Variants in FHOD3 observed in about 807,000 individuals in gnomAD.
The protein encoded by FHOD3 is FH1/FH2 domain-containing protein 3.
Under a neutral mutation model 173.0 loss-of-function variants are expected in FHOD3, and 90 were observed. That is an observed-to-expected ratio of 0.52 (90% CI 0.44 to 0.62). The LOEUF (loss-of-function observed/expected upper bound fraction) is 0.62, where lower values mean the gene tolerates loss of function less well. FHOD3 is among the 20% of genes least tolerant of loss of function. The pLI, the probability that FHOD3 is intolerant of heterozygous loss-of-function variation, is 0.00. For missense variants in FHOD3, 1,945 were observed against 2,034.7 expected (o/e 0.96, Z 0.85); for synonymous variants, 828 against 823.0 (o/e 1.01, Z -0.10).
At chr18:36,472,615 T>C (rs1396822167) in intron 3 of FHOD3, among the ~76,000 whole-genome samples, 1 of 152,222 alleles carries the variant, frequency 6.6e-6, no homozygotes, top group Non-Finnish European at 1.5e-5. Flanking sequence ...TACTTCTGTC[T>C]CTGTGCTTTT....
intron 3 of FHOD3, among the ~76,000 whole-genome samples, chr18:36,459,224 A>G (rs144977716): frequency 2.4e-4 from 36 of 152,344 alleles, no homozygotes; most frequent in Non-Finnish European, 4.9e-4. Flanking sequence ...TGATTGAGAA[A>G]GAGGAGCTTG....
At chr18:36,355,283 A>T (rs1366460563) in intron 1 of FHOD3, among the ~76,000 whole-genome samples, 1 of 152,164 alleles carries the variant, frequency 6.6e-6, no homozygotes, top group Non-Finnish European at 1.5e-5. Flanking sequence ...CCCAGTGCCC[A>T]AAGGGCTCCT....
chr18:36,602,128 C>A lies in FHOD3; in HGVS notation c.719-546C>A, dbSNP rs552203696. On this transcript the variant is annotated intron_variant, in intron 7 of 28. Transcript: ENST00000590592. ...CATTAGATTATAAACCTATTGAGGG[C>A]AGCTGCCCAGTAGACCTTGTACCTA... 3.3e-5 allele frequency among the ~76,000 whole-genome samples: 5 copies of A among 152,332 alleles called. No homozygotes were observed. The South Asian group carries it at 1.0e-3, about 32-fold the overall frequency.
intron 5 of FHOD3, among the ~76,000 whole-genome samples, chr18:36,544,060 G>A (rs188616693): frequency 7.9e-4 from 121 of 152,318 alleles, no homozygotes; most frequent in African/African-American, 2.8e-3. Flanking sequence ...GTATGTGTTC[G>A]TTAAATATGT....
At chr18:36,408,100 CTG>C (rs2049159406) in intron 3 of FHOD3, among the ~76,000 whole-genome samples, 1 of 152,206 alleles carries the variant, frequency 6.6e-6, no homozygotes, top group Non-Finnish European at 1.5e-5. Flanking sequence ...TGGGGCTACA[CTG>C]GATGACAGCT....
intron 5 of FHOD3, among the ~76,000 whole-genome samples, chr18:36,554,863 G>A (rs2057809627): frequency 6.6e-6 from 1 of 152,082 alleles, no homozygotes; most frequent in African/African-American, 2.4e-5. Context: ...CAAATATTTT[G>A]TGTAAAGTTC....
intron 2 of FHOD3, among the ~76,000 whole-genome samples, chr18:36,358,001 AC>A (rs1242173616): frequency 1.3e-5 from 2 of 152,222 alleles, no homozygotes; most frequent in Non-Finnish European, 2.9e-5. Flanking sequence ...TGTGCCAGGT[AC>A]TATATTAGGC....
At chr18:36,653,078 T>G (rs1380100050) in intron 12 of FHOD3, 149 bp downstream of exon 12, 2 of 1,058,748 alleles carry the variant, frequency 1.9e-6, no homozygotes, top group African/African-American at 3.2e-5. Flanking sequence ...CTTAAGTTGC[T>G]GACCCCTGAC....
intron 1 of FHOD3, among the ~76,000 whole-genome samples, chr18:36,298,461 C>T (rs1685050879): frequency 6.6e-6 from 1 of 152,202 alleles, no homozygotes; most frequent in South Asian, 2.1e-4. Flanking sequence ...CTCCCTCAGG[C>T]CTCTGGGGCC....
At chr18:36,684,617 C>T (rs1437252720) in intron 15 of FHOD3, among the ~76,000 whole-genome samples, 2 of 152,132 alleles carry the variant, frequency 1.3e-5, no homozygotes, top group Non-Finnish European at 2.9e-5. Context: ...GAACTCATTG[C>T]TATGAGTGAA....
rs570773123 is a variant in FHOD3 at position 36,768,800 on chromosome 18, C to T, written c.4625-465C>T. Among the ~76,000 whole-genome samples the T allele has an allele frequency of 3.3e-4, 50 of 152,284 alleles. 1 individual carries two copies. The highest frequency in any genetic ancestry group is 1.2e-3 in the African/African-American group (49 of 41,574). On this transcript the variant is annotated intron_variant, in intron 27 of 28. Transcript: ENST00000590592. ...TTAGGGTCAGCTGACAGACTAGGCA[C>T]ATACAACCACTGATAGAGAGCTGAC...
chr18:36,409,855 G>A (rs180998380), intron 3 of FHOD3, among the ~76,000 whole-genome samples: 3 of 152,260 alleles, frequency 2.0e-5, no homozygotes, highest in Non-Finnish European at 2.9e-5. Context: ...ACTCTTAACC[G>A]TCCCTTCTGC....
intron 3 of FHOD3, among the ~76,000 whole-genome samples, chr18:36,467,257 G>C (rs1446236588): frequency 1.3e-5 from 2 of 152,174 alleles, no homozygotes; most frequent in Non-Finnish European, 2.9e-5. Context: ...TCACCTCCTA[G>C]TAATTCTGAC....
At chr18:36,626,334 G>A (rs1292188664) in intron 10 of FHOD3, among the ~76,000 whole-genome samples, 1 of 152,190 alleles carries the variant, frequency 6.6e-6, no homozygotes, top group Non-Finnish European at 1.5e-5. Flanking sequence ...TATGATCTCT[G>A]TCCCTTTGAG....
chr18:36,690,480 G>A (rs2038894926), intron 16 of FHOD3, among the ~76,000 whole-genome samples: 1 of 152,072 alleles, frequency 6.6e-6, no homozygotes, highest in Non-Finnish European at 1.5e-5. Context: ...GTACTATTGG[G>A]CCCCATAGCA....
At chr18:36,390,895 G>A (rs749325065) in intron 3 of FHOD3, among the ~76,000 whole-genome samples, 5 of 152,196 alleles carry the variant, frequency 3.3e-5, no homozygotes, top group Admixed American at 6.5e-5. Context: ...CCTGTAATCC[G>A]TAAATGAATC....
chr18:36,418,108 A>G lies in FHOD3; in HGVS notation c.337+45364A>G, dbSNP rs528563740. Among the ~76,000 whole-genome samples the G allele has an allele frequency of 6.3e-4, 96 of 152,316 alleles. 1 individual carries two copies. The highest frequency in any genetic ancestry group is 1.7e-3 in the Admixed American group (26 of 15,302). On this transcript the variant is annotated intron_variant, in intron 3 of 28. Coordinates refer to ENST00000590592, the MANE Select transcript of FHOD3 (RefSeq NM_001281740.3). ...GCAAAAATGACACTTGTCAGTTCTC[A>G]CTTTGATTTGCTGACACTCTTGCCC...
At chr18:36,713,405 T>C (rs1006646935) in intron 18 of FHOD3, among the ~76,000 whole-genome samples, 6 of 152,230 alleles carry the variant, frequency 3.9e-5, no homozygotes, top group Non-Finnish European at 5.9e-5. Flanking sequence ...ACTAGTTTAC[T>C]GTGGTTAGTG....
At chr18:36,359,366 C>G (rs1411112520) in intron 2 of FHOD3, among the ~76,000 whole-genome samples, 1 of 152,166 alleles carries the variant, frequency 6.6e-6, no homozygotes, top group Non-Finnish European at 1.5e-5. Context: ...GGAGAAAGAC[C>G]TTCAAAAGTA....
Sources: gnomAD v4.1 joint callset for allele counts (sites outside exome capture counted in the v4.1 genomes callset) on GRCh38, gnomAD v4.1.1 for gene constraint, MANE v1.5 for transcripts, NCBI Gene and HGNC (gene_info 2026-07-23, HGNC 2026-07-21) for gene names.